The following TRDN variants were observed in gnomAD, a reference collection of about 807,000 sequenced individuals.
TRDN encodes the protein triadin.
In TRDN, 161 loss-of-function variants were observed where a neutral mutation model predicts 149.7. The ratio of observed to expected loss-of-function variants is 1.08; its 90% confidence interval spans 0.95 to 1.23. The LOEUF (loss-of-function observed/expected upper bound fraction) is 1.23, where lower values mean the gene tolerates loss of function less well. Among genes scored for constraint, TRDN ranks in the 50% most tolerant of loss-of-function variants. The probability of loss-of-function intolerance (pLI) is 0.00; values close to 1 mark genes in which losing one functional copy is unlikely to be tolerated. For missense variants in TRDN, 896 were observed against 823.5 expected (o/e 1.09, Z -1.08); for synonymous variants, 294 against 250.5 (o/e 1.17, Z -1.64).
At chr6:123,569,881 C>T (rs1208667614) in intron 2 of TRDN, among the ~76,000 whole-genome samples, 5 of 152,172 alleles carry the variant, frequency 3.3e-5, no homozygotes, top group South Asian at 2.1e-4. Flanking sequence ...TATAATTCAT[C>T]ATGAGATTAG....
At chr6:123,332,321 T>C (rs200190684) in intron 22 of TRDN, among the ~76,000 whole-genome samples, 35 of 143,700 alleles carry the variant, frequency 2.4e-4, no homozygotes, top group Non-Finnish European at 1.2e-4. Flanking sequence ...TGTCAAAAAA[T>C]AAACAACCAA....
chr6:123,428,492 C>G (rs138217690), intron 12 of TRDN, among the ~76,000 whole-genome samples: 1 of 152,206 alleles, frequency 6.6e-6, no homozygotes, highest in African/African-American at 2.4e-5. Context: ...ATTGTGTGAC[C>G]TCTGCATCAA....
At chr6:123,287,165 A>C (rs1420697897) in intron 24 of TRDN, among the ~76,000 whole-genome samples, 1 of 152,172 alleles carries the variant, frequency 6.6e-6, no homozygotes, top group African/African-American at 2.4e-5. Context: ...TTACATTTCC[A>C]GTTTCATGAA....
chr6:123,280,202 A>G (rs1777531790), intron 24 of TRDN, among the ~76,000 whole-genome samples: 1 of 152,148 alleles, frequency 6.6e-6, no homozygotes, highest in Admixed American at 6.6e-5. Context: ...AGAGAGCAGC[A>G]GAGAAGAGGA....
chr6:123,237,394 T>G (rs992028178), intron 38 of TRDN, among the ~76,000 whole-genome samples: 3 of 151,960 alleles, frequency 2.0e-5, no homozygotes, highest in Non-Finnish European at 4.4e-5. Context: ...GGACTACAGG[T>G]AAGTGCCACC....
Position 123,571,130 on chromosome 6 carries a change from T to C in TRDN, c.25A>G (p.Asn9Asp), listed in dbSNP as rs768303943. The change falls in exon 2 of 41, where the codon AAT (asparagine) becomes GAT (aspartate). Residue 9 changes from asparagine to aspartate, a missense_variant and splice_region_variant. Asn to Asp is a conservative substitution (Grantham distance 23, BLOSUM62 1). Coordinates refer to ENST00000334268, the MANE Select transcript of TRDN (RefSeq NM_006073.4). The stretch of plus-strand genomic sequence containing the variant: ...ATCACAGTTGTGGTTGTAGATGCAT[T>C]TCCTAATCAAACATTCAGAAAGGAA... MTEITAEG[N>D]ASTTTTVIDS... 51 of 1,613,618 alleles carry C rather than the reference T, an allele frequency of 3.2e-5. No individual in the cohort carries two copies. In the East Asian group the frequency reaches 1.0e-3, roughly 33 times the overall value.
intron 4 of TRDN, among the ~76,000 whole-genome samples, chr6:123,542,942 A>G (rs185496829): frequency 2.2e-5 from 3 of 137,280 alleles, no homozygotes. Context: ...TTGGGTCTTT[A>G]TGAATAATTA....
At chr6:123,301,773 A>G (rs1778430527) in intron 24 of TRDN, among the ~76,000 whole-genome samples, 3 of 140,498 alleles carry the variant, frequency 2.1e-5, no homozygotes, top group Non-Finnish European at 4.6e-5. Flanking sequence ...ATATATACAT[A>G]TATATATATA....
At chr6:123,590,721 C>A (rs55895809) in intron 1 of TRDN, among the ~76,000 whole-genome samples, 18,592 of 152,034 alleles carry the variant, frequency 0.12, 1,238 homozygotes, top group African/African-American at 0.17. Flanking sequence ...AAGACCGTGC[C>A]CATTCTACTC....
At chr6:123,277,353 T>TAA (rs1777404659) in intron 26 of TRDN, among the ~76,000 whole-genome samples, 1 of 152,108 alleles carries the variant, frequency 6.6e-6, no homozygotes, top group Admixed American at 6.6e-5. Flanking sequence ...ATGGAGGACA[T>TAA]AAATTTTGGG....
intron 12 of TRDN, among the ~76,000 whole-genome samples, chr6:123,437,830 T>TG (rs1562312696): frequency 5.1e-4 from 77 of 152,190 alleles, no homozygotes; most frequent in African/African-American, 1.7e-3. Flanking sequence ...CTGCGTTTTT[T>TG]TGGGGGGGAA....
At chr6:123,591,571 A>C (rs990681872) in intron 1 of TRDN, among the ~76,000 whole-genome samples, 3 of 152,210 alleles carry the variant, frequency 2.0e-5, no homozygotes, top group African/African-American at 7.2e-5. Flanking sequence ...GTTATTTAAA[A>C]GGTTTAGAAC....
intron 38 of TRDN, among the ~76,000 whole-genome samples, chr6:123,248,132 C>T (rs1009191535): frequency 1.3e-5 from 2 of 151,792 alleles, no homozygotes; most frequent in African/African-American, 2.4e-5. Flanking sequence ...TAAAATTAAA[C>T]AAAAGATCAA....
At chr6:123,588,019 G>T (rs1426422539) in intron 1 of TRDN, among the ~76,000 whole-genome samples, 1 of 152,138 alleles carries the variant, frequency 6.6e-6, no homozygotes, top group Admixed American at 6.5e-5. Flanking sequence ...TGGAGATCAA[G>T]TTTCTTATTA....
At chr6:123,277,864 A>T (rs1404727044) in intron 26 of TRDN, among the ~76,000 whole-genome samples, 3 of 152,128 alleles carry the variant, frequency 2.0e-5, no homozygotes, top group African/African-American at 7.2e-5. Flanking sequence ...ACAATAATAC[A>T]ATTATGAAAC....
At chr6:123,284,087 C>CA (rs1002044626) in intron 24 of TRDN, among the ~76,000 whole-genome samples, 1 of 130,598 alleles carries the variant, frequency 7.7e-6, no homozygotes, top group African/African-American at 2.9e-5. Flanking sequence ...CTCTTGCCCC[C>CA]CCCCCAAAAA....
intron 24 of TRDN, among the ~76,000 whole-genome samples, chr6:123,308,079 T>A (rs979034043): frequency 3.3e-5 from 5 of 152,014 alleles, no homozygotes; most frequent in Non-Finnish European, 1.5e-5. Flanking sequence ...GTATCTAATG[T>A]TTAGCTCCCA....
chr6:123,263,364 G>C (rs990036297), intron 33 of TRDN, among the ~76,000 whole-genome samples: 3 of 151,996 alleles, frequency 2.0e-5, no homozygotes, highest in Non-Finnish European at 4.4e-5. Context: ...GCTACCAGAG[G>C]TTGGTTCATG....
chr6:123,230,280 C>T (rs1400228210), intron 38 of TRDN, among the ~76,000 whole-genome samples: 3 of 151,770 alleles, frequency 2.0e-5, no homozygotes, highest in Non-Finnish European at 4.4e-5. Flanking sequence ...AGCAAACTAT[C>T]GCAGGGACAA....
Sources: gnomAD v4.1 joint callset for allele counts (sites outside exome capture counted in the v4.1 genomes callset) on GRCh38, gnomAD v4.1.1 for gene constraint, MANE v1.5 for transcripts, NCBI Gene and HGNC (gene_info 2026-07-23, HGNC 2026-07-21) for gene names.